TDP1: variants seen among roughly 807,000 people sequenced by gnomAD.
TDP1 encodes tyrosyl-DNA phosphodiesterase 1.
TDP1 carries 64 observed loss-of-function variants against 81.5 expected under a neutral mutation model. That is an observed-to-expected ratio of 0.79 (90% CI 0.64 to 0.97). The LOEUF is 0.97. TDP1 is among the 50% of genes least tolerant of loss of function. The pLI, the probability that TDP1 is intolerant of heterozygous loss-of-function variation, is 0.00. For missense variants in TDP1, 723 were observed against 743.8 expected, an observed-to-expected ratio of 0.97 and a Z score of 0.33; for synonymous variants, 256 against 264.3, an observed-to-expected ratio of 0.97 and a Z score of 0.30.
At chr14:89,998,420 A>ATGTATGTATGTATG (rs1555390633) in intron 14 of TDP1, among the ~76,000 whole-genome samples, 3 of 79,264 alleles carry the variant, frequency 3.8e-5, no homozygotes, top group African/African-American at 1.3e-4. Context: ...ATATATATAT[A>ATGTATGTATGTATG]TATGTATGTA....
intron 8 of TDP1, 45 bp downstream of exon 8, chr14:89,980,677 A>C: frequency 6.9e-7 from 1 of 1,459,750 alleles, no homozygotes; most frequent in Non-Finnish European, 9.6e-7. Flanking sequence ...TGTGTTGATA[A>C]AGGTCAAAAG....
chr14:90,033,232 G>C lies in TDP1; in HGVS notation c.1753+18G>C. The C allele has an allele frequency of 7.1e-7, 1 of 1,402,658 alleles. No individual in the cohort carries two copies. 86.9% of individuals were successfully genotyped at this position (1,402,658 alleles called of 1,614,324 possible). A position where few individuals can be genotyped will look rare whatever the true frequency, so the allele number is the denominator to read the frequency against. ...AAGTAAAGGTGAGACACAGATAAAG[G>C]AAAACCACGGGTGGATATGCATAAG... On this transcript the variant is annotated intron_variant, in intron 16 of 16. Transcript: ENST00000335725.
At chr14:89,975,655 C>T (rs1894220100) in intron 6 of TDP1, 126 bp from the exon 7 acceptor site, 1 of 977,164 alleles carries the variant, frequency 1.0e-6, no homozygotes, top group Non-Finnish European at 1.6e-6. Context: ...CAAGGGCTTG[C>T]CTGGTAGAGA....
intron 7 of TDP1, 59 bp downstream of exon 7, chr14:89,975,874 G>A (rs1894250561): frequency 1.1e-5 from 15 of 1,412,696 alleles, no homozygotes; most frequent in South Asian, 3.4e-5. Flanking sequence ...TCCATTACAC[G>A]GTTATTCTTA....
At position 89,956,792 on chromosome 14, in the gene TDP1, G is replaced by C. The variant is rs1197636585; in HGVS notation, c.-16G>C. 6.6e-6 allele frequency: 1 copy of C among 152,270 alleles called. No homozygotes were observed. The highest frequency in any genetic ancestry group is 2.4e-5 in the African/African-American group (1 of 41,436). 9.4% of individuals were successfully genotyped at this position (152,270 alleles called of 1,614,324 possible). A position where few individuals can be genotyped will look rare whatever the true frequency, so the allele number is the denominator to read the frequency against. On this transcript the variant is annotated 5_prime_UTR_variant, in exon 2 of 17. Coordinates refer to ENST00000335725, the MANE Select transcript of TDP1 (RefSeq NM_018319.4). The stretch of plus-strand genomic sequence containing the variant: ...GATGCCTGTAATCCTAGCTCCTCGG[G>C]AGGCTAAGGTAGGAGAATTGCTTGA...
At chr14:89,971,838 G>C (rs970367621) in intron 6 of TDP1, among the ~76,000 whole-genome samples, 9 of 152,204 alleles carry the variant, frequency 5.9e-5, no homozygotes, top group African/African-American at 2.2e-4. Flanking sequence ...AAAACTTGTA[G>C]TTTTTTGTGA....
intron 10 of TDP1, among the ~76,000 whole-genome samples, chr14:89,986,677 G>A (rs552081189): frequency 5.6e-4 from 85 of 152,356 alleles, no homozygotes; most frequent in African/African-American, 2.0e-3. Flanking sequence ...GGCTTGTCCA[G>A]GATAGGGTGG....
chr14:89,968,911 G>A (rs191933455), intron 5 of TDP1, among the ~76,000 whole-genome samples: 1 of 152,322 alleles, frequency 6.6e-6, no homozygotes, highest in African/African-American at 2.4e-5. Flanking sequence ...TGGAGATAGA[G>A]CCCTTACAAA....
At chr14:89,985,259 TTCTC>T (rs1297691724) in intron 10 of TDP1, 49 bp downstream of exon 10, 8 of 1,068,698 alleles carry the variant, frequency 7.5e-6, no homozygotes, top group Non-Finnish European at 1.1e-5. Context: ...TTAATGTATA[TTCTC>T]TCTTTTAAAA....
chr14:90,038,140 G>A (rs531165090), intron 16 of TDP1, among the ~76,000 whole-genome samples: 5 of 152,282 alleles, frequency 3.3e-5, no homozygotes, highest in African/African-American at 9.6e-5. Flanking sequence ...GGTTAAGTTG[G>A]TGTTTACCAG....
chr14:90,022,891 G>A (rs1886242957), intron 15 of TDP1: 6 of 852,552 alleles, frequency 7.0e-6, no homozygotes, highest in Non-Finnish European at 1.1e-5. Context: ...TTGTGAAGGA[G>A]AGGCTGTCCA....
At chr14:89,984,319 A>T in intron 8 of TDP1, 197 bp from the exon 9 acceptor site, 1 of 985,416 alleles carries the variant, frequency 1.0e-6, no homozygotes, top group South Asian at 4.7e-5. Context: ...ATGGCAAGAC[A>T]TTCAGGAATA....
chr14:89,958,931 T>G (rs1363030182), intron 2 of TDP1, among the ~76,000 whole-genome samples: 1 of 152,246 alleles, frequency 6.6e-6, no homozygotes, highest in Non-Finnish European at 1.5e-5. Context: ...AACGTAGCCA[T>G]AAGATACCTT....
At chr14:89,999,006 T>C (rs1346534288) in intron 14 of TDP1, among the ~76,000 whole-genome samples, 1 of 152,168 alleles carries the variant, frequency 6.6e-6, no homozygotes, top group Admixed American at 6.5e-5. Context: ...AAATGCTTGT[T>C]CCATGAGATT....
rs577776578 is a variant in TDP1 at position 90,044,663 on chromosome 14, A to G, written c.*1520A>G. On this transcript the variant is annotated 3_prime_UTR_variant, in exon 17 of 17. Transcript: ENST00000335725. ...CCTTCCAACAGACAGGCTCTGCTGT[A>G]TCTGTTGTACATACTGGGATTCTGT... The G allele has an allele frequency of 1.3e-5, 2 of 152,304 alleles. No homozygotes were observed. The highest frequency in any genetic ancestry group is 2.1e-4 in the South Asian group (1 of 4,822). The allele number at this position is 152,304 out of a possible 1,614,324, so 9.4% of individuals were successfully genotyped here.
At chr14:90,036,600 G>T (rs568551482) in intron 16 of TDP1, among the ~76,000 whole-genome samples, 8 of 152,206 alleles carry the variant, frequency 5.3e-5, no homozygotes, top group African/African-American at 1.4e-4. Context: ...TACCCTGCTT[G>T]GTGCAGTAGT....
intron 8 of TDP1, chr14:89,984,314 A>G: frequency 2.0e-6 from 2 of 985,410 alleles, no homozygotes; most frequent in Non-Finnish European, 2.4e-6. Context: ...AATTCATGGC[A>G]AGACATTCAG....
chr14:89,980,645 C>T lies in TDP1; in HGVS notation c.884+13C>T. 6 of 1,603,858 alleles carry T rather than the reference C, an allele frequency of 3.7e-6. No homozygotes were observed. Among genetic ancestry groups the T allele is most frequent in the Non-Finnish European group, 5.1e-6 (6 of 1,170,664 alleles). Reference sequence around the variant, plus strand: ...AGAAAACTCAAGGGTTCGTAGGGGCCTGCTCACTTCCTGGCAGTGTGTGTG... The same window carrying T: ...AGAAAACTCAAGGGTTCGTAGGGGCTTGCTCACTTCCTGGCAGTGTGTGTG... On this transcript the variant is annotated intron_variant, in intron 8 of 16. Transcript: ENST00000335725.
At chr14:90,020,374 C>CCTCCCTCCCTCCCTCCCTCCCTT (rs1566915337) in intron 15 of TDP1, among the ~76,000 whole-genome samples, 1 of 112,678 alleles carries the variant, frequency 8.9e-6, no homozygotes. Context: ...CTCCCTCCCT[C>CCTCCCTCCCTCCCTCCCTCCCTT]CCTTCCTTCC....
Sources: gnomAD v4.1 joint callset for allele counts (sites outside exome capture counted in the v4.1 genomes callset) on GRCh38, gnomAD v4.1.1 for gene constraint, MANE v1.5 for transcripts, NCBI Gene and HGNC (gene_info 2026-07-23, HGNC 2026-07-21) for gene names.